The following RASSF8 variants were observed in gnomAD, a reference collection of about 807,000 sequenced individuals.
The protein encoded by RASSF8 is Ras association domain family member 8, also known as ras association domain-containing protein 8.
Under a neutral mutation model 48.5 loss-of-function variants are expected in RASSF8, and 22 were observed. That is an observed-to-expected ratio of 0.45 (90% CI 0.32 to 0.65). RASSF8 has a LOEUF of 0.65. RASSF8 is among the 30% of genes least tolerant of loss of function. The pLI, the probability that RASSF8 is intolerant of heterozygous loss-of-function variation, is 0.03. For synonymous variants in RASSF8, 127 were observed against 171.5 expected (o/e 0.74, Z 2.03); for missense variants, 418 against 489.2 (o/e 0.85, Z 1.37).
At chr12:26,000,795 T>C (rs1265190218) in intron 2 of RASSF8, among the ~76,000 whole-genome samples, 4 of 152,110 alleles carry the variant, frequency 2.6e-5, no homozygotes, top group Non-Finnish European at 5.9e-5. Context: ...GTAGAAATAC[T>C]GTATAAAAGA....
intron 2 of RASSF8, among the ~76,000 whole-genome samples, chr12:26,029,858 A>G (rs1299997622): frequency 1.3e-5 from 2 of 152,192 alleles, no homozygotes; most frequent in Non-Finnish European, 2.9e-5. Flanking sequence ...CAGCCATCTA[A>G]CCAACATTTA....
chr12:25,971,703 G>A (rs1231476374), intron 1 of RASSF8, among the ~76,000 whole-genome samples: 1 of 152,160 alleles, frequency 6.6e-6, no homozygotes, highest in Non-Finnish European at 1.5e-5. Flanking sequence ...CTGTGCTTTT[G>A]CATTGGCAGA....
At chr12:26,001,626 A>G (rs942666875) in intron 2 of RASSF8, among the ~76,000 whole-genome samples, 8 of 152,112 alleles carry the variant, frequency 5.3e-5, no homozygotes, top group African/African-American at 1.7e-4. Context: ...AGGTCTACAC[A>G]GGGTTGAGAT....
At chr12:26,039,228 G>A (rs549773667) in intron 2 of RASSF8, among the ~76,000 whole-genome samples, 2 of 152,280 alleles carry the variant, frequency 1.3e-5, no homozygotes, top group South Asian at 2.1e-4. Flanking sequence ...AAGTAGATAC[G>A]ACAGTCTTCA....
intron 3 of RASSF8, among the ~76,000 whole-genome samples, chr12:26,060,849 A>G (rs1943727255): frequency 6.6e-6 from 1 of 152,220 alleles, no homozygotes; most frequent in African/African-American, 2.4e-5. Flanking sequence ...ATTATTTCTC[A>G]TATGTCCAGA....
At chr12:26,076,052 A>C (rs890862735), downstream of RASSF8, among the ~76,000 whole-genome samples, 1 of 152,130 alleles carries the variant, frequency 6.6e-6, no homozygotes, top group African/African-American at 2.4e-5. Flanking sequence ...TAATTTCAAC[A>C]TTCTTTAAGG....
intron 1 of RASSF8, among the ~76,000 whole-genome samples, chr12:25,964,410 CT>C (rs772374714): frequency 1.3e-5 from 2 of 151,396 alleles, no homozygotes; most frequent in Non-Finnish European, 2.9e-5. Flanking sequence ...ATGTTTTACT[CT>C]TTGTTTTAAA....
intron 2 of RASSF8, among the ~76,000 whole-genome samples, chr12:26,007,840 A>T (rs956840049): frequency 6.6e-6 from 1 of 152,254 alleles, no homozygotes; most frequent in Non-Finnish European, 1.5e-5. Context: ...GGATAAGCAG[A>T]AGTAGTAACA....
At chr12:26,015,206 C>CA (rs11369240) in intron 2 of RASSF8, among the ~76,000 whole-genome samples, 50,270 of 132,954 alleles carry the variant, frequency 0.38, 9,584 homozygotes, top group Non-Finnish European at 0.47. Context: ...GATCCCGTCT[C>CA]AAAAAAAAAA....
chr12:25,975,761 C>T (rs768032919), intron 1 of RASSF8, among the ~76,000 whole-genome samples: 18 of 152,262 alleles, frequency 1.2e-4, no homozygotes, highest in South Asian at 4.2e-4. Context: ...AGGTAGTACA[C>T]GCTGATCAAG....
intron 2 of RASSF8, among the ~76,000 whole-genome samples, chr12:26,016,593 T>C (rs1353638586): frequency 6.6e-6 from 1 of 151,870 alleles, no homozygotes; most frequent in African/African-American, 2.4e-5. Flanking sequence ...TTATATTGAG[T>C]GGGCAAACTG....
intron 1 of RASSF8, among the ~76,000 whole-genome samples, chr12:25,990,892 G>C (rs1941998861): frequency 6.6e-6 from 1 of 151,946 alleles, no homozygotes; most frequent in Non-Finnish European, 1.5e-5. Flanking sequence ...TCAATAAAAA[G>C]AAATGTGCCT....
At chr12:25,984,447 A>G (rs1941824197) in intron 1 of RASSF8, among the ~76,000 whole-genome samples, 1 of 151,988 alleles carries the variant, frequency 6.6e-6, no homozygotes, top group African/African-American at 2.4e-5. Flanking sequence ...GGTTCAGGCA[A>G]TTCTCTGGCC....
chr12:25,988,136 C>A (rs774905755), intron 1 of RASSF8, among the ~76,000 whole-genome samples: 1 of 151,840 alleles, frequency 6.6e-6, no homozygotes, highest in African/African-American at 2.4e-5. Flanking sequence ...GCTGGGATTA[C>A]AGGTGTGAGC....
intron 4 of RASSF8, among the ~76,000 whole-genome samples, chr12:26,067,182 TAAAA>T (rs1943893896): frequency 6.6e-6 from 1 of 152,242 alleles, no homozygotes; most frequent in African/African-American, 2.4e-5. Flanking sequence ...CAGAGATGGG[TAAAA>T]ACCTGTGGGG....
downstream of RASSF8, among the ~76,000 whole-genome samples, chr12:26,077,050 G>A (rs1246666446): frequency 6.6e-6 from 1 of 152,188 alleles, no homozygotes; most frequent in African/African-American, 2.4e-5. Context: ...TCTGTTGGCT[G>A]CATAAATGTC....
chr12:26,044,861 T>TAA (rs201736434), intron 2 of RASSF8, among the ~76,000 whole-genome samples: 1,721 of 152,188 alleles, frequency 0.011, 37 homozygotes, highest in African/African-American at 0.04. Context: ...AGTATCTCTT[T>TAA]AAAGAGAATG....
intron 1 of RASSF8, among the ~76,000 whole-genome samples, chr12:25,969,570 G>T (rs1226400696): frequency 6.6e-6 from 1 of 152,166 alleles, no homozygotes; most frequent in African/African-American, 2.4e-5. Context: ...CCGTGCAAGG[G>T]ATGGCTTAGA....
intron 2 of RASSF8, among the ~76,000 whole-genome samples, chr12:26,043,799 A>G (rs1171977502): frequency 2.2e-4 from 34 of 152,212 alleles, no homozygotes; most frequent in Non-Finnish European, 5.9e-5. Context: ...AGCAAACATA[A>G]TGTAACGCCA....
Sources: gnomAD v4.1 joint callset for allele counts (sites outside exome capture counted in the v4.1 genomes callset) on GRCh38, gnomAD v4.1.1 for gene constraint, MANE v1.5 for transcripts, NCBI Gene and HGNC (gene_info 2026-07-23, HGNC 2026-07-21) for gene names.